The following CDH11 variants were observed in gnomAD, a reference collection of about 807,000 sequenced individuals.
The protein encoded by CDH11 is cadherin-11.
In CDH11, 11 loss-of-function variants were observed where a neutral mutation model predicts 67.8. That is an observed-to-expected ratio of 0.16 (90% CI 0.10 to 0.27). CDH11 has a LOEUF of 0.27. Among genes scored for constraint, CDH11 ranks in the 10% least tolerant of loss-of-function variants. CDH11 has a pLI of 1.00. For synonymous variants in CDH11, 419 were observed against 400.0 expected (o/e 1.05, Z -0.57); for missense variants, 847 against 1,031.2 (o/e 0.82, Z 2.45).
intron 11 of CDH11, among the ~76,000 whole-genome samples, chr16:64,967,075 A>G (rs1343682202): frequency 6.6e-6 from 1 of 152,242 alleles, no homozygotes; most frequent in African/African-American, 2.4e-5. Flanking sequence ...TAAAAAGAGT[A>G]ATACTAACTA....
At chr16:64,996,190 A>T (rs1478659223) in intron 4 of CDH11, among the ~76,000 whole-genome samples, 1 of 152,184 alleles carries the variant, frequency 6.6e-6, no homozygotes, top group Non-Finnish European at 1.5e-5. Context: ...TCTCAAAAAA[A>T]ACAGAATTAC....
At chr16:65,112,069 C>CAAAAAA (rs35671651) in intron 1 of CDH11, among the ~76,000 whole-genome samples, 9 of 91,268 alleles carry the variant, frequency 9.9e-5, no homozygotes, top group Non-Finnish European at 1.3e-4. Context: ...GACTCTGTCT[C>CAAAAAA]AAAAAAAAAA....
intron 1 of CDH11, among the ~76,000 whole-genome samples, chr16:65,058,894 A>C (rs2074192236): frequency 6.6e-6 from 1 of 152,218 alleles, no homozygotes; most frequent in African/African-American, 2.4e-5. Context: ...ACACTCAAAA[A>C]TCAATAGTTG....
In CDH11 at chr16:65,086,760, T is replaced by C. The variant is rs1479297015; in HGVS notation, c.-297-32832A>G. On this transcript the variant is annotated intron_variant, in intron 1 of 12. Transcript: ENST00000268603. ...GTTTCCCAGGTAATGTTGAAGCAGATGATCTGCAGACTACCTTTTATAAAA... is the reference window on the plus strand; with the variant it reads ...GTTTCCCAGGTAATGTTGAAGCAGACGATCTGCAGACTACCTTTTATAAAA... 2.0e-5 allele frequency among the ~76,000 whole-genome samples: 3 copies of C among 152,138 alleles called. No homozygotes were observed. The East Asian group carries it at 5.8e-4, about 29-fold the overall frequency.
chr16:65,026,729 T>A (rs1455452278), intron 2 of CDH11, among the ~76,000 whole-genome samples: 3 of 152,178 alleles, frequency 2.0e-5, no homozygotes, highest in African/African-American at 7.2e-5. Context: ...TCCCCAGATG[T>A]TCTCCAGTCT....
intron 3 of CDH11, among the ~76,000 whole-genome samples, chr16:65,001,944 C>A (rs1308693223): frequency 2.0e-5 from 3 of 152,160 alleles, no homozygotes; most frequent in Non-Finnish European, 4.4e-5. Flanking sequence ...GGCTGTATTT[C>A]CACAAGAAAT....
intron 1 of CDH11, among the ~76,000 whole-genome samples, chr16:65,083,858 T>C (rs552579392): frequency 4.7e-4 from 72 of 152,332 alleles, no homozygotes; most frequent in African/African-American, 1.5e-3. Flanking sequence ...CTAAGACTCA[T>C]CCAAGATGCA....
chr16:65,075,831 A>G (rs986092864), intron 1 of CDH11, among the ~76,000 whole-genome samples: 1 of 152,232 alleles, frequency 6.6e-6, no homozygotes, highest in East Asian at 1.9e-4. Flanking sequence ...TCTCTTACCA[A>G]GTTATCTCAT....
chr16:64,955,616 G>A (rs1322726101), intron 11 of CDH11, among the ~76,000 whole-genome samples: 1 of 152,066 alleles, frequency 6.6e-6, no homozygotes, highest in African/African-American at 2.4e-5. Context: ...GGGGTGACCA[G>A]CAACTATAGT....
At chr16:64,988,657 G>A (rs1460781094) in intron 6 of CDH11, among the ~76,000 whole-genome samples, 1 of 152,118 alleles carries the variant, frequency 6.6e-6, no homozygotes, top group Non-Finnish European at 1.5e-5. Flanking sequence ...AACCATGCAT[G>A]TCTTCATTTA....
chr16:65,082,608 T>C (rs2074630099), intron 1 of CDH11, among the ~76,000 whole-genome samples: 1 of 152,190 alleles, frequency 6.6e-6, no homozygotes, highest in Non-Finnish European at 1.5e-5. Flanking sequence ...GAAATAATTA[T>C]TTGCTAATAA....
intron 2 of CDH11, among the ~76,000 whole-genome samples, chr16:65,014,060 T>G (rs749605085): frequency 4.5e-4 from 68 of 152,328 alleles, no homozygotes; most frequent in African/African-American, 1.5e-3. Flanking sequence ...GTTTTGTTTA[T>G]TCAACAAGAA....
At chr16:65,097,069 T>C (rs2074911093) in intron 1 of CDH11, among the ~76,000 whole-genome samples, 1 of 152,214 alleles carries the variant, frequency 6.6e-6, no homozygotes, top group Non-Finnish European at 1.5e-5. Flanking sequence ...TTAAAGCCTC[T>C]TCTCGTTATT....
intron 2 of CDH11, among the ~76,000 whole-genome samples, chr16:65,008,539 A>C (rs1307368098): frequency 6.6e-6 from 1 of 152,216 alleles, no homozygotes; most frequent in African/African-American, 2.4e-5. Context: ...CTCATCTATT[A>C]ATTTCTATAA....
rs8049537 is a variant in CDH11 at position 65,044,899 on chromosome 16, C to T, written c.-173+8905G>A. 4.0e-3 allele frequency among the ~76,000 whole-genome samples: 608 copies of T among 152,072 alleles called. 4 individuals carry two copies. Among genetic ancestry groups the T allele is most frequent in the African/African-American group, 0.014 (578 of 41,486 alleles). On this transcript the variant is annotated intron_variant, in intron 2 of 12. Transcript: ENST00000268603. ...ATTTGGATTTAGAGAAATAATGCTGCGGCTCAGTGGAGAAGGACTGGGGAA... is the reference window on the plus strand; with the variant it reads ...ATTTGGATTTAGAGAAATAATGCTGTGGCTCAGTGGAGAAGGACTGGGGAA...
intron 2 of CDH11, 43 bp from the exon 3 acceptor site, chr16:65,005,084 C>T: frequency 7.5e-7 from 1 of 1,338,586 alleles, no homozygotes; most frequent in Middle Eastern, 2.8e-4. Context: ...GCCAAATCCC[C>T]ACTTCATTTC....
At chr16:65,100,737 C>CAA (rs34745214) in intron 1 of CDH11, among the ~76,000 whole-genome samples, 278 of 92,984 alleles carry the variant, frequency 3.0e-3, no homozygotes, top group African/African-American at 4.9e-3. Context: ...GACTCTGTCT[C>CAA]AAAAAAAAAA....
At chr16:65,079,726 G>C (rs932849220) in intron 1 of CDH11, among the ~76,000 whole-genome samples, 1 of 152,182 alleles carries the variant, frequency 6.6e-6, no homozygotes, top group Non-Finnish European at 1.5e-5. Context: ...AACATGCCAG[G>C]TATGTTTATG....
chr16:64,966,272 C>T (rs1437551720), intron 11 of CDH11, among the ~76,000 whole-genome samples: 1 of 151,870 alleles, frequency 6.6e-6, no homozygotes, highest in East Asian at 1.9e-4. Flanking sequence ...TGGTTTTGGA[C>T]AGGAAAAGTA....
Sources: gnomAD v4.1 joint callset for allele counts (sites outside exome capture counted in the v4.1 genomes callset) on GRCh38, gnomAD v4.1.1 for gene constraint, MANE v1.5 for transcripts, NCBI Gene and HGNC (gene_info 2026-07-23, HGNC 2026-07-21) for gene names.